BTBD1: variants seen among roughly 807,000 people sequenced by gnomAD.
The protein encoded by BTBD1 is BTB/POZ domain-containing protein 1.
A neutral mutation model predicts 48.0 loss-of-function variants in BTBD1; 34 were observed. The observed-to-expected ratio is 0.71, with a 90% CI of 0.54 to 0.94. The LOEUF (loss-of-function observed/expected upper bound fraction) is 0.94. Among genes scored for constraint, BTBD1 ranks in the 40% least tolerant of loss-of-function variants. The probability of loss-of-function intolerance (pLI) is 0.00; values close to 1 mark genes in which losing one functional copy is unlikely to be tolerated. For synonymous variants in BTBD1, 261 were observed against 242.1 expected (o/e 1.08, Z -0.72); for missense variants, 543 against 625.6 (o/e 0.87, Z 1.41).
At chr15:83,041,165 AAAG>A (rs1399735128) in intron 4 of BTBD1, among the ~76,000 whole-genome samples, 1 of 151,166 alleles carries the variant, frequency 6.6e-6, no homozygotes, top group Non-Finnish European at 1.5e-5. Flanking sequence ...AAAAGAAAAA[AAAG>A]AAAAAAAAAA....
intron 3 of BTBD1, chr15:83,044,264 CATTTTAG>C: frequency 4.6e-6 from 3 of 646,536 alleles, no homozygotes. Flanking sequence ...TAAAATAAAA[CATTTTAG>C]ATTTCTCAAA....
intron 3 of BTBD1, among the ~76,000 whole-genome samples, chr15:83,042,354 ATATATATATATATATATATATATG>A: frequency 8.3e-6 from 1 of 121,040 alleles, no homozygotes; most frequent in East Asian, 2.0e-4. Context: ...AATTTTATAT[ATATATATATATATATATATATATG>A]TATGTATATA....
rs769607961 is a variant in BTBD1, at chr15:83,030,316, G to T, written c.875C>A (p.Ser292Tyr). ...IEEFAAGPAQ[S>Y]GILSDREVVN... Reference sequence around the variant, plus strand: ...CACTTCACGATCTGACAAAATTCCAGATTGAGCAGGACCTGTGGAAATAAA... The same window carrying T: ...CACTTCACGATCTGACAAAATTCCATATTGAGCAGGACCTGTGGAAATAAA... Residue 292 changes from serine (S) to tyrosine (Y), a missense_variant, in exon 5 of 8, where the codon TCT becomes TAT. By Grantham distance (144) the Ser-to-Tyr change is moderately radical (BLOSUM62 -2). Around this residue, in one of 3 missense-constraint regions of BTBD1, gnomAD observed 300 missense variants for 350.0 expected, o/e 0.86. Transcript: ENST00000261721. 5 of 1,613,730 alleles carry T rather than the reference G, an allele frequency of 3.1e-6. No individual in the cohort carries two copies. Among genetic ancestry groups the T allele is most frequent in the East Asian group, 4.5e-5 (2 of 44,866 alleles).
intron 3 of BTBD1, among the ~76,000 whole-genome samples, chr15:83,042,203 A>T (rs1398718344): frequency 6.6e-6 from 1 of 151,694 alleles, no homozygotes; most frequent in Non-Finnish European, 1.5e-5. Context: ...TTATCAAGTA[A>T]ACTCAACTAT....
intron 1 of BTBD1, among the ~76,000 whole-genome samples, 172 bp from the exon 2 acceptor site, chr15:83,056,717 A>C (rs2033092942): frequency 8.4e-6 from 1 of 118,894 alleles, no homozygotes; most frequent in Non-Finnish European, 1.6e-5. Flanking sequence ...CCATCCATCC[A>C]TCCATCCATC....
chr15:83,037,989 C>A (rs528107255), intron 4 of BTBD1, among the ~76,000 whole-genome samples: 75 of 152,242 alleles, frequency 4.9e-4, no homozygotes, highest in African/African-American at 1.5e-3. Context: ...GAGGCTGAGG[C>A]AGGAGAATCT....
At chr15:83,031,819 G>C (rs993545415) in intron 4 of BTBD1, among the ~76,000 whole-genome samples, 1 of 150,086 alleles carries the variant, frequency 6.7e-6, no homozygotes, top group Non-Finnish European at 1.5e-5. Context: ...ATACACATAA[G>C]AAAAAATGCT....
intron 4 of BTBD1, among the ~76,000 whole-genome samples, chr15:83,031,144 A>G (rs2032507925): frequency 6.6e-6 from 1 of 152,206 alleles, no homozygotes; most frequent in Non-Finnish European, 1.5e-5. Flanking sequence ...AGCCCCACCA[A>G]CAGTGTAAAA....
At chr15:83,019,248 G>T (rs1208724697) in intron 6 of BTBD1, among the ~76,000 whole-genome samples, 1 of 152,044 alleles carries the variant, frequency 6.6e-6, no homozygotes, top group East Asian at 1.9e-4. Flanking sequence ...TTTTAGTAGA[G>T]ACAGGGTTTC....
At chr15:83,065,810 TC>T (rs2033258541) in intron 1 of BTBD1, among the ~76,000 whole-genome samples, 1 of 152,216 alleles carries the variant, frequency 6.6e-6, no homozygotes. Context: ...AATCACCTTT[TC>T]ATTAGATGTC....
At position 83,016,705 on chromosome 15, in the gene BTBD1, A is replaced by G. The variant is rs1208495736; in HGVS notation, c.*1362T>C. The stretch of plus-strand genomic sequence containing the variant: ...AACCACACATCCCATAGATAATTCC[A>G]TTTAACTGAGGTTTATATCCGTAAG... On this transcript the variant is annotated 3_prime_UTR_variant, in exon 8 of 8. Transcript: ENST00000261721. 1 of 152,180 alleles carries G rather than the reference A, an allele frequency of 6.6e-6. No individual in the cohort carries two copies. The highest frequency in any genetic ancestry group is 1.5e-5 in the Non-Finnish European group (1 of 68,038). The allele number at this position is 152,180 out of a possible 1,614,324, so 9.4% of individuals were successfully genotyped here.
chr15:83,042,023 A>G (rs2032771370), intron 3 of BTBD1, 98 bp from the exon 4 acceptor site: 7 of 987,904 alleles, frequency 7.1e-6, no homozygotes, highest in African/African-American at 1.6e-5. Flanking sequence ...TCAGATCTCA[A>G]CAAAAAATAG....
At position 83,067,163 on chromosome 15, in the gene BTBD1, G is replaced by C; in HGVS notation, c.-12C>G. ...CCGAGTGAGGCCATCCTCCAGCTGC[G>C]CGGTTGCCCACGTTATGGACAAAAC... On this transcript the variant is annotated 5_prime_UTR_variant, in exon 1 of 8. Transcript: ENST00000261721. 1 of 1,416,500 alleles carries C rather than the reference G, an allele frequency of 7.1e-7. No individual in the cohort carries two copies. The highest frequency in any genetic ancestry group is 9.2e-7 in the Non-Finnish European group (1 of 1,090,374). 87.7% of individuals were successfully genotyped at this position (1,416,500 alleles called of 1,614,324 possible).
chr15:83,052,786 T>C (rs2033015664), intron 2 of BTBD1, among the ~76,000 whole-genome samples: 1 of 135,136 alleles, frequency 7.4e-6, no homozygotes, highest in Non-Finnish European at 1.6e-5. Flanking sequence ...GCCCACCACC[T>C]CGCCCGGCTA....
intron 4 of BTBD1, among the ~76,000 whole-genome samples, chr15:83,041,368 A>ATT (rs903109976): frequency 2.1e-5 from 3 of 143,064 alleles, no homozygotes; most frequent in Non-Finnish European, 3.1e-5. Context: ...GACTGATAGA[A>ATT]TTTTTTTTTT....
In BTBD1 at chr15:83,020,780, A is replaced by G. The variant is rs769973757; in HGVS notation, c.1056-18T>C. 9 of 1,454,238 alleles carry G rather than the reference A, an allele frequency of 6.2e-6. No homozygotes were observed. The East Asian group carries it at 2.0e-4, about 33-fold the overall frequency. 90.1% of individuals were successfully genotyped at this position (1,454,238 alleles called of 1,614,324 possible). A position where few individuals can be genotyped will look rare whatever the true frequency, so the allele number is the denominator to read the frequency against. On this transcript the variant is annotated intron_variant, in intron 5 of 7. Coordinates refer to ENST00000261721, the MANE Select transcript of BTBD1 (RefSeq NM_025238.4). ...CTGTGAATCTGAGAGAAAGAAGCCA[A>G]AAATAAAATATAATTAATCCCATGT...
intron 2 of BTBD1, among the ~76,000 whole-genome samples, chr15:83,055,140 T>C (rs2033061371): frequency 6.6e-6 from 1 of 152,188 alleles, no homozygotes; most frequent in African/African-American, 2.4e-5. Context: ...ATATACAAAG[T>C]ATAAAGCTCA....
chr15:83,019,819 A>G (rs1275181558), intron 6 of BTBD1, among the ~76,000 whole-genome samples: 1 of 150,270 alleles, frequency 6.7e-6, no homozygotes, highest in African/African-American at 2.4e-5. Flanking sequence ...CTGGTCTCAA[A>G]CTCCTGACCT....
intron 2 of BTBD1, among the ~76,000 whole-genome samples, chr15:83,054,187 A>T (rs1883258276): frequency 1.3e-5 from 2 of 152,162 alleles, no homozygotes; most frequent in Admixed American, 6.5e-5. Flanking sequence ...AAAATAAAAA[A>T]ATTAGCCAGG....
Sources: gnomAD v4.1 joint callset for allele counts (sites outside exome capture counted in the v4.1 genomes callset) on GRCh38, gnomAD v4.1.1 for gene constraint, gnomAD v4.1.1 regional missense constraint, MANE v1.5 for transcripts, NCBI Gene and HGNC (gene_info 2026-07-23, HGNC 2026-07-21) for gene names.